LARGE1: variants seen among roughly 807,000 people sequenced by gnomAD.
LARGE1 encodes the protein LARGE xylosyl- and glucuronyltransferase 1, also known as xylosyl- and glucuronyltransferase LARGE1.
LARGE1 carries 43 observed loss-of-function variants against 87.6 expected under a neutral mutation model. The ratio of observed to expected loss-of-function variants is 0.49; its 90% CI spans 0.38 to 0.63. LARGE1 has a LOEUF of 0.63. Among genes scored for constraint, LARGE1 ranks in the 30% least tolerant of loss-of-function variants. LARGE1 has a pLI of 0.00. For missense variants in LARGE1, 802 were observed against 1,000.2 expected (o/e 0.80, Z 2.67); for synonymous variants, 434 against 394.6 (o/e 1.10, Z -1.18).
intron 6 of LARGE1, among the ~76,000 whole-genome samples, chr22:33,554,054 C>T (rs2077606190): frequency 6.6e-6 from 1 of 152,190 alleles, no homozygotes; most frequent in African/African-American, 2.4e-5. Context: ...CAGCTGGAGG[C>T]AGCAGTGAAC....
chr22:33,631,984 G>T (rs906518095), intron 3 of LARGE1, among the ~76,000 whole-genome samples: 1 of 152,164 alleles, frequency 6.6e-6, no homozygotes, highest in African/African-American at 2.4e-5. Context: ...ATGTCATTAT[G>T]TAACACATGA....
At chr22:33,070,329 A>C in the LARGE1 span, among the ~76,000 whole-genome samples, 1 of 152,208 alleles carries the variant, frequency 6.6e-6, no homozygotes, top group Non-Finnish European at 1.5e-5. Context: ...TGCTATGTAT[A>C]GAACAATGGT....
intron 6 of LARGE1, among the ~76,000 whole-genome samples, chr22:33,477,274 G>A (rs1291061587): frequency 1.3e-5 from 2 of 152,168 alleles, no homozygotes; most frequent in African/African-American, 2.4e-5. Flanking sequence ...CCAGGCCAAC[G>A]GGTCCCTTCC....
At chr22:33,092,549 C>G in the LARGE1 span, among the ~76,000 whole-genome samples, 1 of 152,102 alleles carries the variant, frequency 6.6e-6, no homozygotes, top group Admixed American at 6.6e-5. Context: ...GTTTGCTGCA[C>G]CCATCAACCC....
chr22:33,401,825 T>C (rs1370866318), intron 7 of LARGE1, among the ~76,000 whole-genome samples: 1 of 152,216 alleles, frequency 6.6e-6, no homozygotes, highest in Non-Finnish European at 1.5e-5. Context: ...ATCTATGTTG[T>C]TTAAGCCACC....
Position 33,796,833 on chromosome 22 carries a change from C to T in LARGE1, c.-82-35275G>A, listed in dbSNP as rs570080513. ...GCTCCGTCTCCTAGGCTGGAGATCT[C>T]AGCTCACTGCAGCCTCCGCCTCCCT... On this transcript the variant is annotated intron_variant, in intron 1 of 14. Coordinates refer to ENST00000397394, the MANE Select transcript of LARGE1 (RefSeq NM_133642.5). 2.8e-5 allele frequency among the ~76,000 whole-genome samples: 4 copies of T among 145,262 alleles called. No individual in the cohort carries two copies. The South Asian group carries it at 8.9e-4, about 32-fold the overall frequency.
intron 6 of LARGE1, among the ~76,000 whole-genome samples, chr22:33,450,272 A>G (rs2067856633): frequency 6.6e-6 from 1 of 152,008 alleles, no homozygotes; most frequent in Non-Finnish European, 1.5e-5. Flanking sequence ...CAGAGTTGCA[A>G]GGGCCTGTAG....
intron 7 of LARGE1, among the ~76,000 whole-genome samples, chr22:33,420,567 A>G (rs1014749211): frequency 6.6e-6 from 1 of 152,174 alleles, no homozygotes; most frequent in Non-Finnish European, 1.5e-5. Context: ...GCTGGAGTGG[A>G]GCGAGTGTGG....
chr22:33,318,683 C>A (rs1330444534), intron 10 of LARGE1, among the ~76,000 whole-genome samples: 2 of 151,964 alleles, frequency 1.3e-5, no homozygotes, highest in Non-Finnish European at 1.5e-5. Flanking sequence ...ACCAACATGG[C>A]ACATGTATAC....
the LARGE1 span, among the ~76,000 whole-genome samples, chr22:33,110,094 A>G: frequency 3.3e-5 from 5 of 152,346 alleles, no homozygotes; most frequent in South Asian, 4.1e-4. Flanking sequence ...ATTATCTCAG[A>G]TACTGTCCAC....
chr22:33,315,762 T>C (rs905715274), intron 11 of LARGE1, among the ~76,000 whole-genome samples: 1 of 152,132 alleles, frequency 6.6e-6, no homozygotes, highest in Non-Finnish European at 1.5e-5. Context: ...CCCCAGTAGC[T>C]GGGATTACAG....
intron 6 of LARGE1, among the ~76,000 whole-genome samples, chr22:33,461,592 T>C: frequency 6.7e-6 from 1 of 150,000 alleles, no homozygotes; most frequent in African/African-American, 2.5e-5. Flanking sequence ...ACATGGTACA[T>C]GTATACACAT....
chr22:33,672,404 C>G (rs1026369039), intron 2 of LARGE1, among the ~76,000 whole-genome samples: 1 of 152,226 alleles, frequency 6.6e-6, no homozygotes, highest in Admixed American at 6.5e-5. Context: ...CTTGCCCCCA[C>G]TTCCTTCCTA....
chr22:33,810,226 G>A (rs910769505), intron 1 of LARGE1, among the ~76,000 whole-genome samples: 1 of 152,200 alleles, frequency 6.6e-6, no homozygotes, highest in Non-Finnish European at 1.5e-5. Context: ...TAAAGAAATT[G>A]GTTGAGAGAG....
chr22:33,475,713 C>T (rs1052464971), intron 6 of LARGE1, among the ~76,000 whole-genome samples: 1 of 152,132 alleles, frequency 6.6e-6, no homozygotes, highest in Non-Finnish European at 1.5e-5. Context: ...TCTGCCCCGC[C>T]TCAGCCTCCC....
At chr22:33,436,996 T>C (rs1394072511) in intron 6 of LARGE1, among the ~76,000 whole-genome samples, 2 of 152,008 alleles carry the variant, frequency 1.3e-5, no homozygotes, top group African/African-American at 4.8e-5. Context: ...TGGTTCAATA[T>C]TGGCAGGGGC....
chr22:33,689,897 A>C (rs572477700), intron 2 of LARGE1, among the ~76,000 whole-genome samples: 13 of 152,244 alleles, frequency 8.5e-5, no homozygotes, highest in Non-Finnish European at 1.3e-4. Context: ...ATTGCACTCC[A>C]GCCTGGGTGA....
At chr22:33,365,721 A>G (rs1249551313) in intron 9 of LARGE1, among the ~76,000 whole-genome samples, 2 of 151,876 alleles carry the variant, frequency 1.3e-5, no homozygotes, top group Non-Finnish European at 2.9e-5. Context: ...GGCTCAAGAA[A>G]TTCTCCTGCC....
At chr22:33,400,869 TTA>T (rs1220903645) in intron 7 of LARGE1, among the ~76,000 whole-genome samples, 2 of 152,172 alleles carry the variant, frequency 1.3e-5, no homozygotes, top group Non-Finnish European at 2.9e-5. Context: ...AATTCCTCAT[TTA>T]TGAGGTGAGA....
Sources: allele counts gnomAD v4.1 joint callset (sites outside exome capture counted in the v4.1 genomes callset), GRCh38; gene constraint gnomAD v4.1.1; transcripts MANE v1.5; gene names NCBI Gene and HGNC (gene_info 2026-07-23, HGNC 2026-07-21).